KLHDC4: variants seen among roughly 807,000 people sequenced by gnomAD.
KLHDC4 encodes the protein kelch domain containing 4.
In KLHDC4, 90 loss-of-function variants were observed where a neutral mutation model predicts 62.4. The ratio of observed to expected loss-of-function variants is 1.44; its 90% CI spans 1.22 to 1.72. KLHDC4 has a LOEUF of 1.72. Ranked by LOEUF, KLHDC4 falls within the 40% of genes most tolerant of loss-of-function variation. The probability of loss-of-function intolerance (pLI) is 0.00; values close to 1 mark genes in which losing one functional copy is unlikely to be tolerated. For synonymous variants in KLHDC4, 386 were observed against 284.4 expected, an observed-to-expected ratio of 1.36 and a Z score of -3.59; for missense variants, 1,025 against 699.7, an observed-to-expected ratio of 1.47 and a Z score of -5.25.
chr16:87,744,914 C>G (rs1339921608), intron 5 of KLHDC4, among the ~76,000 whole-genome samples: 1 of 152,196 alleles, frequency 6.6e-6, no homozygotes, highest in Non-Finnish European at 1.5e-5. Context: ...CACACACATG[C>G]ATACACAGGC....
At chr16:87,709,228 G>A (rs771234742) in intron 10 of KLHDC4, 37 bp downstream of exon 10, 66 of 1,583,506 alleles carry the variant, frequency 4.2e-5, no homozygotes, top group Middle Eastern at 1.7e-4. Context: ...GTGGGCTCTC[G>A]CTCCCGGGCA....
chr16:87,702,614 A>C, upstream of KLHDC4: 5 of 228,824 alleles, frequency 2.2e-5, no homozygotes, highest in Non-Finnish European at 4.5e-5. Context: ...TTCCACAGAA[A>C]CCCTGTCCCC....
At chr16:87,721,414 T>TAAAAAA (rs1176744434) in intron 7 of KLHDC4, among the ~76,000 whole-genome samples, 1 of 78,912 alleles carries the variant, frequency 1.3e-5, no homozygotes, top group East Asian at 3.4e-4. Context: ...ACTCTGTCTC[T>TAAAAAA]AAAAAAAAAA....
At chr16:87,740,289 T>C (rs753136893) in intron 5 of KLHDC4, among the ~76,000 whole-genome samples, 10 of 151,872 alleles carry the variant, frequency 6.6e-5, no homozygotes, top group Non-Finnish European at 1.3e-4. Flanking sequence ...CCACCCGACA[T>C]GTGTGCATCC....
chr16:87,711,963 G>T (rs2035962698), intron 8 of KLHDC4, among the ~76,000 whole-genome samples: 1 of 149,530 alleles, frequency 6.7e-6, no homozygotes, highest in African/African-American at 2.5e-5. Flanking sequence ...GCCCTGCAAG[G>T]GGACCCTTCG....
chr16:87,720,339 C>A (rs929362956), intron 7 of KLHDC4, among the ~76,000 whole-genome samples: 1 of 152,162 alleles, frequency 6.6e-6, no homozygotes, highest in Non-Finnish European at 1.5e-5. Context: ...TCCAAGCGGA[C>A]GTGTGTGAAC....
At chr16:87,751,272 G>C (rs150710985) in intron 4 of KLHDC4, among the ~76,000 whole-genome samples, 2 of 152,012 alleles carry the variant, frequency 1.3e-5, no homozygotes, top group Admixed American at 6.6e-5. Context: ...TCAGGAGTTT[G>C]AGACCAGCCT....
chr16:87,724,359 A>T (rs1414163723), intron 7 of KLHDC4, among the ~76,000 whole-genome samples: 2 of 152,212 alleles, frequency 1.3e-5, no homozygotes, highest in Non-Finnish European at 2.9e-5. Context: ...ACAAAAGAAA[A>T]ACGTAATAAA....
chr16:87,764,340 G>C (rs1428700480), intron 1 of KLHDC4, among the ~76,000 whole-genome samples: 1 of 152,104 alleles, frequency 6.6e-6, no homozygotes, highest in Non-Finnish European at 1.5e-5. Context: ...AGGGAGACAT[G>C]GAGATGAGTA....
chr16:87,752,580 C>A (rs372993968), intron 4 of KLHDC4, among the ~76,000 whole-genome samples: 10 of 152,076 alleles, frequency 6.6e-5, no homozygotes, highest in East Asian at 3.9e-4. Context: ...TGTGATTCGC[C>A]CATCCCGGCC....
At chr16:87,740,148 C>T (rs773126047) in intron 5 of KLHDC4, among the ~76,000 whole-genome samples, 2 of 152,176 alleles carry the variant, frequency 1.3e-5, no homozygotes, top group Non-Finnish European at 2.9e-5. Context: ...GTGGCAAGTG[C>T]CTGGAGAAAC....
At chr16:87,752,089 C>CAAAAAAAAAAAAAAAAAAAAAAAAA in intron 4 of KLHDC4, among the ~76,000 whole-genome samples, 1 of 29,462 alleles carries the variant, frequency 3.4e-5, no homozygotes, top group Non-Finnish European at 5.4e-5. Context: ...GACTTTGTCT[C>CAAAAAAAAAAAAAAAAAAAAAAAAA]AAAAAAAAAA....
At chr16:87,744,768 C>G (rs1279237300) in intron 5 of KLHDC4, among the ~76,000 whole-genome samples, 2 of 152,030 alleles carry the variant, frequency 1.3e-5, no homozygotes, top group African/African-American at 4.8e-5. Context: ...TCAGAAAAAA[C>G]CTCAGAAACA....
In KLHDC4 at chr16:87,726,938, C is replaced by T; in HGVS notation, c.600-14G>A. The T allele has an allele frequency of 6.2e-7, 1 of 1,613,238 alleles. No individual in the cohort carries two copies. Among genetic ancestry groups the T allele is most frequent in the Non-Finnish European group, 8.5e-7 (1 of 1,179,434 alleles). On this transcript the variant is annotated splice_polypyrimidine_tract_variant and intron_variant, in intron 6 of 11. Coordinates refer to ENST00000270583, the MANE Select transcript of KLHDC4 (RefSeq NM_017566.4). ...TAGATGTAATCCCTGGTTAGAAGAA[C>T]AGCAGCTGTCAGGGTCCGTAACATT... is the stretch of plus-strand genomic sequence containing the variant.
At chr16:87,730,506 C>A (rs760948593) in intron 6 of KLHDC4, 46 bp downstream of exon 6, 1 of 1,483,980 alleles carries the variant, frequency 6.7e-7, no homozygotes, top group Admixed American at 2.0e-5. Context: ...AAAGCCCACT[C>A]CTTAATGCTT....
intron 1 of KLHDC4, among the ~76,000 whole-genome samples, chr16:87,764,237 G>C (rs1361656600): frequency 2.0e-5 from 3 of 152,276 alleles, no homozygotes; most frequent in Admixed American, 6.5e-5. Flanking sequence ...TTTGTTTTGA[G>C]GGTTCATTCA....
At chr16:87,730,996 T>C (rs1597574821) in intron 5 of KLHDC4, 1 of 163,150 alleles carries the variant, frequency 6.1e-6, no homozygotes, top group African/African-American at 2.5e-5. Context: ...GAGAAATATC[T>C]TGAAACACAT....
chr16:87,728,841 T>G (rs968808292), intron 6 of KLHDC4, among the ~76,000 whole-genome samples: 1 of 152,116 alleles, frequency 6.6e-6, no homozygotes, highest in African/African-American at 2.4e-5. Flanking sequence ...TAGCTGGGCA[T>G]GCGGCTCACT....
intron 5 of KLHDC4, among the ~76,000 whole-genome samples, chr16:87,733,226 G>T (rs918727804): frequency 2.6e-5 from 4 of 152,232 alleles, no homozygotes; most frequent in African/African-American, 9.6e-5. Context: ...GTTCTCAGTG[G>T]TTTTCTTGTC....
Sources: gnomAD v4.1 joint callset for allele counts (sites outside exome capture counted in the v4.1 genomes callset) on GRCh38, gnomAD v4.1.1 for gene constraint, MANE v1.5 for transcripts, NCBI Gene and HGNC (gene_info 2026-07-23, HGNC 2026-07-21) for gene names.